SLC25A12: variants seen among roughly 807,000 people sequenced by gnomAD.
The protein encoded by SLC25A12 is solute carrier family 25 member 12, also known as electrogenic aspartate/glutamate antiporter SLC25A12, mitochondrial.
In SLC25A12, 32 loss-of-function variants were observed where a neutral mutation model predicts 83.3. That is an observed-to-expected ratio of 0.38 (90% CI 0.29 to 0.52). The LOEUF (loss-of-function observed/expected upper bound fraction) is 0.52, where lower values mean the gene tolerates loss of function less well. Among genes scored for constraint, SLC25A12 ranks in the 20% least tolerant of loss-of-function variants. The pLI, the probability that SLC25A12 is intolerant of heterozygous loss-of-function variation, is 0.84. For synonymous variants in SLC25A12, 267 were observed against 291.1 expected, an observed-to-expected ratio of 0.92 and a Z score of 0.84; for missense variants, 611 against 835.6, an observed-to-expected ratio of 0.73 and a Z score of 3.31.
At chr2:171,891,976 T>A (rs1324342769) in intron 2 of SLC25A12, among the ~76,000 whole-genome samples, 1 of 152,218 alleles carries the variant, frequency 6.6e-6, no homozygotes, top group African/African-American at 2.4e-5. Flanking sequence ...ATATCTCAAA[T>A]AAAAATGTCA....
intron 1 of SLC25A12, 65 bp downstream of exon 1, chr2:171,894,138 G>A: frequency 8.3e-6 from 13 of 1,572,148 alleles, no homozygotes; most frequent in Non-Finnish European, 1.1e-5. Flanking sequence ...GCAGTGGGGG[G>A]CTGCAGGCAG....
intron 13 of SLC25A12, among the ~76,000 whole-genome samples, chr2:171,805,401 GC>G: frequency 6.6e-6 from 1 of 152,152 alleles, no homozygotes. Flanking sequence ...GTGAGCCACC[GC>G]CCCCGGCCTA....
chr2:171,893,079 T>G (rs1685979402), intron 2 of SLC25A12, 126 bp downstream of exon 2: 2 of 728,316 alleles, frequency 2.7e-6, no homozygotes, highest in African/African-American at 1.8e-5. Flanking sequence ...TAAGCTATAT[T>G]GTCCGGTCAT....
At position 171,783,563 on chromosome 2, in the gene SLC25A12, C is replaced by T. The variant is rs1004996341; in HGVS notation, c.*1711G>A. Among the ~76,000 whole-genome samples, 18 of 152,086 alleles carry T rather than the reference C, an allele frequency of 1.2e-4. No homozygotes were observed. The highest frequency in any genetic ancestry group is 3.9e-4 in the African/African-American group (16 of 41,412). On this transcript the variant is annotated 3_prime_UTR_variant, in exon 18 of 18. Coordinates refer to ENST00000422440, the MANE Select transcript of SLC25A12 (RefSeq NM_003705.5). The stretch of plus-strand genomic sequence containing the variant: ...CTATAGAGTTATGAAAAACAGACTA[C>T]ATATTCATGCTGTAACCTGTTAGCA...
At chr2:171,865,411 A>C (rs1685265347) in intron 3 of SLC25A12, among the ~76,000 whole-genome samples, 1 of 152,216 alleles carries the variant, frequency 6.6e-6, no homozygotes, top group Non-Finnish European at 1.5e-5. Flanking sequence ...CTCTAATCCC[A>C]GCAGTTTGGG....
intron 5 of SLC25A12, among the ~76,000 whole-genome samples, chr2:171,842,417 AC>A (rs1195339084): frequency 6.6e-6 from 1 of 152,074 alleles, no homozygotes; most frequent in African/African-American, 2.4e-5. Context: ...ACATGGTGAA[AC>A]CCTGTCTCTA....
intron 8 of SLC25A12, among the ~76,000 whole-genome samples, chr2:171,828,122 C>CT (rs1196185857): frequency 6.6e-6 from 1 of 152,196 alleles, no homozygotes; most frequent in African/African-American, 2.4e-5. Flanking sequence ...GAGTCCTTTT[C>CT]TTTTTTTCAG....
intron 2 of SLC25A12, among the ~76,000 whole-genome samples, chr2:171,892,899 A>G (rs1685973932): frequency 6.6e-6 from 1 of 152,216 alleles, no homozygotes; most frequent in African/African-American, 2.4e-5. Flanking sequence ...ACTATACAAG[A>G]ATGCCAATAC....
chr2:171,855,790 C>A, intron 4 of SLC25A12, 44 bp downstream of exon 4: 1 of 1,080,596 alleles, frequency 9.3e-7, no homozygotes, highest in Non-Finnish European at 1.4e-6. Context: ...GAAGACTGGA[C>A]CAGCATCATT....
At chr2:171,833,928 T>C (rs764580891) in intron 8 of SLC25A12, 35 bp downstream of exon 8, 2 of 1,253,566 alleles carry the variant, frequency 1.6e-6, no homozygotes, top group Non-Finnish European at 2.3e-6. Flanking sequence ...AACTACTCTA[T>C]AATAAATATC....
chr2:171,831,810 A>T (rs991436730), intron 8 of SLC25A12, among the ~76,000 whole-genome samples: 11 of 151,986 alleles, frequency 7.2e-5, no homozygotes, highest in African/African-American at 2.7e-4. Flanking sequence ...GAGGCACAAG[A>T]ATCGCTTGAA....
At chr2:171,885,066 A>G (rs1685787185) in intron 2 of SLC25A12, among the ~76,000 whole-genome samples, 1 of 151,408 alleles carries the variant, frequency 6.6e-6, no homozygotes, top group Non-Finnish European at 1.5e-5. Context: ...ACAAAAAATT[A>G]GCTGGGCGTG....
chr2:171,837,634 C>A (rs1684585936), intron 5 of SLC25A12, among the ~76,000 whole-genome samples: 1 of 152,182 alleles, frequency 6.6e-6, no homozygotes, highest in African/African-American at 2.4e-5. Flanking sequence ...TGCTTGAAGG[C>A]TTACCTGTCA....
In SLC25A12 at chr2:171,894,216, C is replaced by G. The variant is rs1432421821; in HGVS notation, c.-2G>C. ...AGTTGGAGTCACCTTGACCGCCATG[C>G]TGTGCTCGGAAGCCGGGGACGAGCG... On this transcript the variant is annotated 5_prime_UTR_variant, in exon 1 of 18. Coordinates refer to ENST00000422440, the MANE Select transcript of SLC25A12 (RefSeq NM_003705.5). 1 of 1,609,086 alleles carries G rather than the reference C, an allele frequency of 6.2e-7. No individual in the cohort carries two copies. The highest frequency in any genetic ancestry group is 2.2e-5 in the East Asian group (1 of 44,608).
Position 171,834,974 on chromosome 2 carries a change from T to C in SLC25A12, c.613-109A>G, listed in dbSNP as rs150019726. 1.5e-4 allele frequency: 176 copies of C among 1,165,976 alleles called. 1 individual carries two copies. The highest frequency in any genetic ancestry group is 5.8e-4 in the Admixed American group (29 of 50,130). 72.2% of individuals were successfully genotyped at this position (1,165,976 alleles called of 1,614,324 possible). A position where few individuals can be genotyped will look rare whatever the true frequency, so the allele number is the denominator to read the frequency against. ...TCCAAAGGAGTCTTCACTGTTAAAA[T>C]GATGTTAACAACCAGTACATAAATA... On this transcript the variant is annotated intron_variant, in intron 6 of 17. Coordinates refer to ENST00000422440, the MANE Select transcript of SLC25A12 (RefSeq NM_003705.5).
intron 2 of SLC25A12, 26 bp from the exon 3 acceptor site, chr2:171,868,849 A>G: frequency 1.3e-6 from 2 of 1,582,034 alleles, no homozygotes; most frequent in Non-Finnish European, 1.7e-6. Context: ...AATAATGCAT[A>G]CTGAAAAATT....
intron 13 of SLC25A12, among the ~76,000 whole-genome samples, chr2:171,808,693 G>C (rs1366530778): frequency 6.6e-6 from 1 of 152,138 alleles, no homozygotes; most frequent in African/African-American, 2.4e-5. Flanking sequence ...TGATGAAAAT[G>C]CCACCTCTTT....
intron 5 of SLC25A12, 100 bp from the exon 6 acceptor site, chr2:171,837,367 CT>C (rs1365811796): frequency 9.5e-6 from 12 of 1,262,480 alleles, no homozygotes; most frequent in Non-Finnish European, 1.4e-5. Flanking sequence ...CACACATGTA[CT>C]TACTACAAAA....
At position 171,863,540 on chromosome 2, in the gene SLC25A12, A is replaced by G. The variant is rs1573991948; in HGVS notation, c.209+5141T>C. 2.0e-5 allele frequency among the ~76,000 whole-genome samples: 3 copies of G among 152,206 alleles called. No individual in the cohort carries two copies. The South Asian group carries it at 6.2e-4, about 32-fold the overall frequency. ...GACTCCGTCTCCGACAAAAAAAAAA[A>G]AAAAGAAAAGAAAATGTCCTACTTT... On this transcript the variant is annotated intron_variant, in intron 3 of 17. Coordinates refer to ENST00000422440, the MANE Select transcript of SLC25A12 (RefSeq NM_003705.5).
Sources: gnomAD v4.1 joint callset for allele counts (sites outside exome capture counted in the v4.1 genomes callset) on GRCh38, gnomAD v4.1.1 for gene constraint, MANE v1.5 for transcripts, NCBI Gene and HGNC (gene_info 2026-07-23, HGNC 2026-07-21) for gene names.